The following GSE1 variants were observed in gnomAD, a reference collection of about 807,000 sequenced individuals.
GSE1 encodes the protein Gse1 coiled-coil protein.
In GSE1, 32 loss-of-function variants were observed where a neutral mutation model predicts 112.6. The ratio of observed to expected loss-of-function variants is 0.28; its 90% confidence interval spans 0.21 to 0.38. The LOEUF is 0.38. Among genes scored for constraint, GSE1 ranks in the 10% least tolerant of loss-of-function variants. The pLI, the probability that GSE1 is intolerant of heterozygous loss-of-function variation, is 1.00. For synonymous variants in GSE1, 1,115 were observed against 735.6 expected (o/e 1.52, Z -8.35); for missense variants, 2,348 against 1,699.2 (o/e 1.38, Z -6.71).
intron 2 of GSE1, 65 bp downstream of exon 2, chr16:85,634,197 C>T (rs1290308416): frequency 8.7e-6 from 10 of 1,147,202 alleles, no homozygotes; most frequent in Admixed American, 3.7e-5. Flanking sequence ...ACTCAGCCTC[C>T]CGCCTGCGGC....
chr16:85,516,478 A>AT (rs2051942879), intron 2 of GSE1, among the ~76,000 whole-genome samples: 1 of 151,072 alleles, frequency 6.6e-6, no homozygotes, highest in Admixed American at 6.6e-5. Context: ...AAAAAAAAAA[A>AT]AATTAGCCAG....
At chr16:85,474,236 T>C (rs2050381905) in intron 2 of GSE1, among the ~76,000 whole-genome samples, 1 of 151,984 alleles carries the variant, frequency 6.6e-6, no homozygotes, top group Non-Finnish European at 1.5e-5. Flanking sequence ...GGGCTCTCCA[T>C]GCAGGGAGAG....
chr16:85,628,901 C>T lies in GSE1; in HGVS notation c.8-5013C>T, dbSNP rs923842894. On this transcript the variant is annotated intron_variant, in intron 1 of 15. Transcript: ENST00000253458. ...CTGATAGGGTTTGGATGTGTGTCCCCTCCGAATCTCATGTGGAAATGTGTC... is the reference window on the plus strand; with the variant it reads ...CTGATAGGGTTTGGATGTGTGTCCCTTCCGAATCTCATGTGGAAATGTGTC... 2.0e-5 allele frequency among the ~76,000 whole-genome samples: 3 copies of T among 152,174 alleles called. No individual in the cohort carries two copies. In the East Asian group the frequency reaches 5.8e-4, roughly 29 times the overall value.
intron 1 of GSE1, among the ~76,000 whole-genome samples, chr16:85,565,854 A>G (rs1409962642): frequency 6.6e-6 from 1 of 152,170 alleles, no homozygotes; most frequent in Non-Finnish European, 1.5e-5. Context: ...TTGGGTCCCG[A>G]TGGCGAGGGT....
At chr16:85,617,345 A>C (rs1040947280) in intron 1 of GSE1, among the ~76,000 whole-genome samples, 1 of 152,020 alleles carries the variant, frequency 6.6e-6, no homozygotes, top group Non-Finnish European at 1.5e-5. Flanking sequence ...GTTTACCTTC[A>C]CCTGCACCTA....
intron 2 of GSE1, among the ~76,000 whole-genome samples, chr16:85,385,302 T>C (rs1279862385): frequency 2.0e-5 from 3 of 152,168 alleles, no homozygotes; most frequent in Admixed American, 2.0e-4. Context: ...CAGGCAGGGC[T>C]CCTCTCAACT....
At chr16:85,516,117 T>C (rs550744589) in intron 2 of GSE1, among the ~76,000 whole-genome samples, 1 of 152,276 alleles carries the variant, frequency 6.6e-6, no homozygotes, top group Non-Finnish European at 1.5e-5. Context: ...TCCCCAGAGC[T>C]AAGTCTGTGG....
At chr16:85,399,548 G>C (rs908237658) in intron 2 of GSE1, among the ~76,000 whole-genome samples, 1 of 152,194 alleles carries the variant, frequency 6.6e-6, no homozygotes. Context: ...AGAAGCCCCT[G>C]CAGGCCCCTG....
At chr16:85,468,980 C>T (rs759497528) in intron 2 of GSE1, among the ~76,000 whole-genome samples, 11 of 152,084 alleles carry the variant, frequency 7.2e-5, no homozygotes, top group East Asian at 1.9e-4. Flanking sequence ...AGAGGCTGGG[C>T]GTGGTGGCTT....
chr16:85,374,256 C>A (rs1310875903), intron 2 of GSE1, among the ~76,000 whole-genome samples: 1 of 150,478 alleles, frequency 6.6e-6, no homozygotes, highest in Non-Finnish European at 1.5e-5. Context: ...CGTGCGTGGT[C>A]CTCGGTGTGC....
At chr16:85,620,120 A>C (rs2048637286) in intron 1 of GSE1, among the ~76,000 whole-genome samples, 1 of 152,042 alleles carries the variant, frequency 6.6e-6, no homozygotes, top group African/African-American at 2.4e-5. Flanking sequence ...AAAAAATAAA[A>C]ATAAAAATAA....
chr16:85,271,606 A>G (rs1417574122), intron 1 of GSE1, among the ~76,000 whole-genome samples: 1 of 152,228 alleles, frequency 6.6e-6, no homozygotes, highest in Non-Finnish European at 1.5e-5. Context: ...GCTGCTTCGC[A>G]GCGTGTACTG....
chr16:85,371,836 T>C (rs939625716), intron 2 of GSE1, among the ~76,000 whole-genome samples: 2 of 152,180 alleles, frequency 1.3e-5, no homozygotes, highest in African/African-American at 4.8e-5. Flanking sequence ...TAGTCCCGGA[T>C]GGTGCCAAGC....
chr16:85,502,246 T>G (rs1360511438), intron 2 of GSE1, among the ~76,000 whole-genome samples: 1 of 152,072 alleles, frequency 6.6e-6, no homozygotes, highest in Non-Finnish European at 1.5e-5. Context: ...TGCGTGAGGT[T>G]GTAGGACCTA....
chr16:85,590,121 C>T (rs1199231698), intron 1 of GSE1, among the ~76,000 whole-genome samples: 2 of 151,856 alleles, frequency 1.3e-5, no homozygotes, highest in African/African-American at 4.8e-5. Context: ...TGCAATTGAA[C>T]GTGTGTGATC....
intron 1 of GSE1, among the ~76,000 whole-genome samples, chr16:85,329,615 A>C (rs1346135688): frequency 1.3e-5 from 2 of 151,944 alleles, no homozygotes; most frequent in Non-Finnish European, 2.9e-5. Flanking sequence ...GGGAGAGGGC[A>C]GGAGAAGGTT....
At chr16:85,180,311 A>T (rs925271640) in intron 1 of GSE1, among the ~76,000 whole-genome samples, 1 of 152,192 alleles carries the variant, frequency 6.6e-6, no homozygotes, top group African/African-American at 2.4e-5. Flanking sequence ...ACTTGGCGAG[A>T]GTGGGCTGGG....
At chr16:85,323,115 T>C (rs1433739022) in intron 1 of GSE1, among the ~76,000 whole-genome samples, 1 of 152,092 alleles carries the variant, frequency 6.6e-6, no homozygotes, top group Non-Finnish European at 1.5e-5. Context: ...CCGTTTGTGG[T>C]TCGTGGTGGA....
chr16:85,480,104 G>T (rs1317816843), intron 2 of GSE1, among the ~76,000 whole-genome samples: 1 of 152,196 alleles, frequency 6.6e-6, no homozygotes, highest in Non-Finnish European at 1.5e-5. Flanking sequence ...CATCCTCAAC[G>T]TCCTGTTCCC....
Sources: gnomAD v4.1 joint callset for allele counts (sites outside exome capture counted in the v4.1 genomes callset) on GRCh38, gnomAD v4.1.1 for gene constraint, MANE v1.5 for transcripts, NCBI Gene and HGNC (gene_info 2026-07-23, HGNC 2026-07-21) for gene names.